ARHGAP22: variants seen among roughly 807,000 people sequenced by gnomAD.
ARHGAP22 encodes the protein Rho GTPase activating protein 22.
Under a neutral mutation model 59.1 loss-of-function variants are expected in ARHGAP22, and 48 were observed. That is an observed-to-expected ratio of 0.81 (90% CI 0.64 to 1.03). The LOEUF is 1.03. Ranked by LOEUF, ARHGAP22 falls within the 50% of genes least tolerant of loss-of-function variation. ARHGAP22 has a pLI of 0.00. For synonymous variants in ARHGAP22, 445 were observed against 416.4 expected, an observed-to-expected ratio of 1.07 and a Z score of -0.84; for missense variants, 1,015 against 958.7, an observed-to-expected ratio of 1.06 and a Z score of -0.78.
the ARHGAP22 span, chr10:48,430,109 G>A: frequency 6.6e-6 from 1 of 152,120 alleles, no homozygotes; most frequent in African/African-American, 2.4e-5. Context: ...TTTTTTTGTT[G>A]TTGAGATGGA....
At chr10:48,447,415 G>C (rs533902594) in intron 9 of ARHGAP22, among the ~76,000 whole-genome samples, 4 of 152,202 alleles carry the variant, frequency 2.6e-5, no homozygotes, top group Non-Finnish European at 4.4e-5. Context: ...AATGCAGAGG[G>C]TAACTGCTCC....
At chr10:48,544,813 TCTGATCA>T (rs2135169489) in intron 3 of ARHGAP22, among the ~76,000 whole-genome samples, 1 of 152,350 alleles carries the variant, frequency 6.6e-6, no homozygotes, top group Non-Finnish European at 1.5e-5. Flanking sequence ...ATCACCCTAA[TCTGATCA>T]CTGTACAATA....
chr10:48,556,333 T>C (rs1157749643), intron 2 of ARHGAP22, among the ~76,000 whole-genome samples: 2 of 152,190 alleles, frequency 1.3e-5, no homozygotes, highest in Non-Finnish European at 2.9e-5. Flanking sequence ...TGGTAAGTCC[T>C]ACTCAAGAGA....
downstream of ARHGAP22, among the ~76,000 whole-genome samples, chr10:48,443,624 G>A (rs143205640): frequency 4.1e-4 from 63 of 152,230 alleles, no homozygotes; most frequent in African/African-American, 1.4e-3. Flanking sequence ...CAAGACACCC[G>A]TGAGAGAATT....
Position 48,446,441 on chromosome 10 carries a change from T to A in ARHGAP22, c.2047A>T (p.Thr683Ser). Residue 683 changes from threonine (T) to serine (S), a missense_variant, in exon 10 of 10, where the codon ACC (threonine) becomes TCC (serine). Thr to Ser is a moderately conservative substitution (Grantham distance 58, BLOSUM62 1). Transcript: ENST00000249601. ...GCCCCAACAGTCAAGCTTCCTAGGGTCGAAAAAAACTCCTCCATTTCCCTC... is the reference window on the plus strand; with the variant it reads ...GCCCCAACAGTCAAGCTTCCTAGGGACGAAAAAAACTCCTCCATTTCCCTC... ...LQREMEEFFS[T>S]LGSLTVGAKG... 1 of 1,614,050 alleles carries A rather than the reference T, an allele frequency of 6.2e-7. No homozygotes were observed. The highest frequency in any genetic ancestry group is 8.5e-7 in the Non-Finnish European group (1 of 1,179,988).
At chr10:48,524,027 G>C (rs1407081025) in intron 3 of ARHGAP22, 3 of 1,466,976 alleles carry the variant, frequency 2.0e-6, no homozygotes, top group East Asian at 2.9e-5. Flanking sequence ...CGCAGGGAGC[G>C]GGGCGCACGT....
At chr10:48,560,115 T>A (rs2057589594) in intron 2 of ARHGAP22, among the ~76,000 whole-genome samples, 1 of 152,206 alleles carries the variant, frequency 6.6e-6, no homozygotes, top group Admixed American at 6.5e-5. Context: ...CCATCTGATC[T>A]TAAATCTAGT....
chr10:48,596,614 T>C (rs1172883935), intron 1 of ARHGAP22, among the ~76,000 whole-genome samples: 5 of 152,180 alleles, frequency 3.3e-5, no homozygotes, highest in Admixed American at 1.3e-4. Context: ...CTGACTCTCA[T>C]AGGACCCACA....
chr10:48,450,140 C>T (rs2133563661), intron 9 of ARHGAP22, 121 bp downstream of exon 9: 1 of 1,391,594 alleles, frequency 7.2e-7, no homozygotes, highest in Non-Finnish European at 9.6e-7. Context: ...ATTCCCCTCT[C>T]TGAGGCTGGC....
intron 2 of ARHGAP22, among the ~76,000 whole-genome samples, chr10:48,563,156 T>C (rs1452219562): frequency 6.6e-6 from 1 of 151,828 alleles, no homozygotes; most frequent in Non-Finnish European, 1.5e-5. Flanking sequence ...CTCTTATGAT[T>C]ATATTAGATC....
upstream of ARHGAP22, among the ~76,000 whole-genome samples, chr10:48,609,252 TC>T (rs1391188486): frequency 1.3e-5 from 2 of 152,202 alleles, no homozygotes; most frequent in Non-Finnish European, 2.9e-5. Context: ...GAATCTGTTC[TC>T]CCCTTCTTCC....
chr10:48,568,188 C>G (rs900006317), intron 2 of ARHGAP22, among the ~76,000 whole-genome samples: 3 of 152,136 alleles, frequency 2.0e-5, no homozygotes, highest in Admixed American at 6.5e-5. Flanking sequence ...GGTTCTGGCT[C>G]AAGCTGTGAT....
At chr10:48,567,156 G>A (rs375386111) in intron 2 of ARHGAP22, among the ~76,000 whole-genome samples, 7 of 152,302 alleles carry the variant, frequency 4.6e-5, no homozygotes, top group Middle Eastern at 3.4e-3. Flanking sequence ...CCTGTGACTT[G>A]CCCTGAGTCA....
Position 48,620,388 on chromosome 10 carries a change from G to A in ARHGAP22, c.52+31846C>T, listed in dbSNP as rs375654569. ...TGGATGGAGAAGCAGGCTCAGAGATGTTAAGGGACTTTCTCGAGTCACTCA... is the reference window on the plus strand; with the variant it reads ...TGGATGGAGAAGCAGGCTCAGAGATATTAAGGGACTTTCTCGAGTCACTCA... On this transcript the variant is annotated intron_variant, in intron 1 of 9. Coordinates refer to the ARHGAP22 transcript ENST00000435790. Among the ~76,000 whole-genome samples the A allele has an allele frequency of 2.0e-4, 31 of 152,284 alleles. No individual in the cohort carries two copies. In the East Asian group the frequency reaches 2.1e-3, roughly 10 times the overall value.
rs1359177247 is a variant in ARHGAP22 at position 48,523,902 on chromosome 10, A to C, written c.322+31561T>G. 1.7e-4 allele frequency: 89 copies of C among 517,148 alleles called. 1 individual carries two copies. Among genetic ancestry groups the C allele is most frequent in the Non-Finnish European group, 2.5e-4 (84 of 340,198 alleles). The allele number at this position is 517,148 out of a possible 1,614,324, so 32.0% of individuals were successfully genotyped here. A position where few individuals can be genotyped will look rare whatever the true frequency, so the allele number is the denominator to read the frequency against. ...GAGCCTCCCCTTCCAAAGTTAGGAG[A>C]CTCAGAGGAGCAGCAGCCGCACCTG... On this transcript the variant is annotated intron_variant, in intron 3 of 9. Coordinates refer to ENST00000249601, the MANE Select transcript of ARHGAP22 (RefSeq NM_021226.4).
In ARHGAP22 at chr10:48,451,112, G is replaced by A. The variant is rs75816016; in HGVS notation, c.1017C>T (p.Thr339=). 2.6e-4 allele frequency: 411 copies of A among 1,553,002 alleles called. 1 individual carries two copies. The highest frequency in any genetic ancestry group is 2.1e-4 in the Non-Finnish European group (243 of 1,148,240). Residue 339 remains threonine, a synonymous_variant, in exon 9 of 10, where the codon ACC becomes ACT. Transcript: ENST00000249601. ...GCTGGCTGTGTTTGCGGATGAGGAC[G>A]GTCATCAGGTGCTGGACGAGGGAAG... ...EGTSLVQHLM[T]VLIRKHSQLF...
intron 1 of ARHGAP22, among the ~76,000 whole-genome samples, chr10:48,595,837 C>T (rs1384498833): frequency 6.6e-6 from 1 of 152,124 alleles, no homozygotes; most frequent in Non-Finnish European, 1.5e-5. Context: ...TTCTTCCTGG[C>T]CCTAATTGGC....
At chr10:48,454,185 C>T in intron 6 of ARHGAP22, 24 bp from the exon 7 acceptor site, 1 of 1,596,272 alleles carries the variant, frequency 6.3e-7, no homozygotes, top group South Asian at 1.1e-5. Context: ...AACAGAATTT[C>T]AAACACCGGC....
At chr10:48,599,050 ATGG>A (rs2060235439) in intron 1 of ARHGAP22, among the ~76,000 whole-genome samples, 2 of 152,216 alleles carry the variant, frequency 1.3e-5, no homozygotes, top group South Asian at 4.2e-4. Flanking sequence ...CTTTTTCTCA[ATGG>A]GAATCTTTTG....
Sources: gnomAD v4.1 joint callset for allele counts (sites outside exome capture counted in the v4.1 genomes callset) on GRCh38, gnomAD v4.1.1 for gene constraint, MANE v1.5 for transcripts, NCBI Gene and HGNC (gene_info 2026-07-23, HGNC 2026-07-21) for gene names.